The following DNAJC15 variants were observed in gnomAD, a reference collection of about 807,000 sequenced individuals.
The protein encoded by DNAJC15 is dnaJ homolog subfamily C member 15.
In DNAJC15, 27 loss-of-function variants were observed where a neutral mutation model predicts 22.4. The ratio of observed to expected loss-of-function variants is 1.20; its 90% CI spans 0.89 to 1.66. The LOEUF is 1.66. Among genes scored for constraint, DNAJC15 ranks in the 40% most tolerant of loss-of-function variants. DNAJC15 has a pLI of 0.00. For synonymous variants in DNAJC15, 79 were observed against 63.2 expected (o/e 1.25, Z -1.19); for missense variants, 208 against 187.1 (o/e 1.11, Z -0.65).
At chr13:43,066,303 T>G (rs929356534) in intron 2 of DNAJC15, among the ~76,000 whole-genome samples, 4 of 152,110 alleles carry the variant, frequency 2.6e-5, no homozygotes, top group Non-Finnish European at 1.5e-5. Context: ...CCAGAGGCTC[T>G]GGGGAGAAGC....
intron 1 of DNAJC15, 140 bp from the exon 2 acceptor site, chr13:43,065,546 A>AT (rs1204957639): frequency 7.7e-6 from 5 of 653,386 alleles, no homozygotes; most frequent in African/African-American, 5.4e-5. Flanking sequence ...GACACTGCAT[A>AT]TTTTTTTAAG....
chr13:43,061,364 C>T (rs185147153), intron 1 of DNAJC15, among the ~76,000 whole-genome samples: 88 of 152,188 alleles, frequency 5.8e-4, no homozygotes, highest in African/African-American at 2.0e-3. Context: ...TTGTCCTGAG[C>T]GATGGGATCT....
At chr13:43,060,063 G>A (rs1014052137) in intron 1 of DNAJC15, among the ~76,000 whole-genome samples, 2 of 152,230 alleles carry the variant, frequency 1.3e-5, no homozygotes, top group African/African-American at 4.8e-5. Flanking sequence ...CAGGTCACAA[G>A]GGATATGATG....
intron 2 of DNAJC15, among the ~76,000 whole-genome samples, chr13:43,067,905 C>T (rs2040591288): frequency 6.6e-6 from 1 of 152,138 alleles, no homozygotes; most frequent in African/African-American, 2.4e-5. Flanking sequence ...GGGAATCAGC[C>T]TCATTTAATT....
rs555734034 is a variant in DNAJC15 at position 43,054,666 on chromosome 13, C to A, written c.109-11020C>A. On this transcript the variant is annotated intron_variant, in intron 1 of 5. Coordinates refer to ENST00000379221, the MANE Select transcript of DNAJC15 (RefSeq NM_013238.3). ...ATATTTCCTGGAATTTATCCATCTCCTCTAGGTTTTCTAGTTTCTCTGTGT... is the reference window on the plus strand; with the variant it reads ...ATATTTCCTGGAATTTATCCATCTCATCTAGGTTTTCTAGTTTCTCTGTGT... Among the ~76,000 whole-genome samples, 5 of 152,216 alleles carry A rather than the reference C, an allele frequency of 3.3e-5. No homozygotes were observed. In the South Asian group the frequency reaches 1.0e-3, roughly 32 times the overall value.
At chr13:43,083,578 G>A (rs1235652407) in intron 4 of DNAJC15, among the ~76,000 whole-genome samples, 2 of 152,156 alleles carry the variant, frequency 1.3e-5, no homozygotes, top group East Asian at 3.8e-4. Context: ...GAAAACATAA[G>A]TAATAAAGGC....
At chr13:43,049,493 A>G (rs1271683976) in intron 1 of DNAJC15, among the ~76,000 whole-genome samples, 2 of 152,256 alleles carry the variant, frequency 1.3e-5, no homozygotes, top group African/African-American at 4.8e-5. Context: ...TTGTTTTTCA[A>G]CAATAGTAAA....
intron 1 of DNAJC15, among the ~76,000 whole-genome samples, chr13:43,025,847 TG>T (rs1161516640): frequency 6.6e-6 from 1 of 152,210 alleles, no homozygotes; most frequent in African/African-American, 2.4e-5. Context: ...GAGGTTGCAG[TG>T]AGCGGAGATC....
chr13:43,034,846 C>T (rs1419417474), intron 1 of DNAJC15, among the ~76,000 whole-genome samples: 6 of 152,078 alleles, frequency 3.9e-5, no homozygotes, highest in African/African-American at 1.4e-4. Flanking sequence ...ACATGGTGCT[C>T]TAGGCTCATT....
chr13:43,078,224 T>C (rs1268200299), intron 3 of DNAJC15, among the ~76,000 whole-genome samples: 1 of 152,284 alleles, frequency 6.6e-6, no homozygotes, highest in South Asian at 2.1e-4. Context: ...TTCCTCCCCA[T>C]TCTCTGTTGG....
At chr13:43,067,677 T>C (rs2040590279) in intron 2 of DNAJC15, among the ~76,000 whole-genome samples, 1 of 152,112 alleles carries the variant, frequency 6.6e-6, no homozygotes, top group Non-Finnish European at 1.5e-5. Flanking sequence ...TAATAGAATT[T>C]AGGAGAAAGT....
At chr13:43,043,504 T>A (rs535805767) in intron 1 of DNAJC15, among the ~76,000 whole-genome samples, 3 of 152,372 alleles carry the variant, frequency 2.0e-5, no homozygotes, top group Admixed American at 6.5e-5. Context: ...TTCTTGTTAT[T>A]ATTTATTTAC....
At chr13:43,037,304 AAG>A (rs564606894) in intron 1 of DNAJC15, among the ~76,000 whole-genome samples, 32 of 152,336 alleles carry the variant, frequency 2.1e-4, no homozygotes, top group Admixed American at 3.3e-4. Flanking sequence ...TAAGCCGAAA[AAG>A]AGAGTTTGAG....
chr13:43,066,747 C>T (rs1007089569), intron 2 of DNAJC15, among the ~76,000 whole-genome samples: 13 of 152,204 alleles, frequency 8.5e-5, no homozygotes, highest in East Asian at 5.8e-4. Context: ...CTCAGCCTCC[C>T]GAGTAGCTGG....
chr13:43,043,213 G>A (rs1239665298), intron 1 of DNAJC15, among the ~76,000 whole-genome samples: 1 of 152,172 alleles, frequency 6.6e-6, no homozygotes, highest in Non-Finnish European at 1.5e-5. Context: ...GTTCAAGCGA[G>A]TCTCCCCCCT....
chr13:43,107,361 G>A lies in DNAJC15; in HGVS notation c.*113G>A. On this transcript the variant is annotated 3_prime_UTR_variant, in exon 6 of 6. Coordinates refer to ENST00000379221, the MANE Select transcript of DNAJC15 (RefSeq NM_013238.3). ...TAATTTTCTATATGGATTGACCACA[G>A]TCTTATCTTCCACCATTAAGCTGTA... 1 of 768,798 alleles carries A rather than the reference G, an allele frequency of 1.3e-6. No individual in the cohort carries two copies. The allele number at this position is 768,798 out of a possible 1,614,324, so 47.6% of individuals were successfully genotyped here.
intron 3 of DNAJC15, among the ~76,000 whole-genome samples, chr13:43,070,873 CT>C (rs67675835): frequency 0.53 from 81,228 of 151,918 alleles, 21,816 homozygotes; most frequent in South Asian, 0.64. Flanking sequence ...TGCTTGCTAC[CT>C]TAGAGCCAGA....
intron 5 of DNAJC15, among the ~76,000 whole-genome samples, chr13:43,102,005 A>T (rs1317011673): frequency 1.3e-5 from 2 of 152,156 alleles, no homozygotes; most frequent in African/African-American, 4.8e-5. Context: ...GAATCTACAT[A>T]CTATTTTCCG....
intron 1 of DNAJC15, among the ~76,000 whole-genome samples, chr13:43,038,980 A>C (rs2040441278): frequency 6.6e-6 from 1 of 152,156 alleles, no homozygotes; most frequent in Admixed American, 6.5e-5. Flanking sequence ...AAGTTGTAGA[A>C]GACTTTATAT....
Sources: gnomAD v4.1 joint callset for allele counts (sites outside exome capture counted in the v4.1 genomes callset) on GRCh38, gnomAD v4.1.1 for gene constraint, MANE v1.5 for transcripts, NCBI Gene and HGNC (gene_info 2026-07-23, HGNC 2026-07-21) for gene names.